The following SCHIP1 variants were observed in gnomAD, a reference collection of about 807,000 sequenced individuals.
The protein encoded by SCHIP1 is schwannomin-interacting protein 1.
Under a neutral mutation model 29.7 loss-of-function variants are expected in SCHIP1, and 8 were observed. The observed-to-expected ratio is 0.27, with a 90% confidence interval of 0.16 to 0.49. The LOEUF (loss-of-function observed/expected upper bound fraction) is 0.49, where lower values mean the gene tolerates loss of function less well. Among genes scored for constraint, SCHIP1 ranks in the 20% least tolerant of loss-of-function variants. The probability of loss-of-function intolerance (pLI) is 0.99; values close to 1 mark genes in which losing one functional copy is unlikely to be tolerated. For missense variants in SCHIP1, 193 were observed against 294.6 expected, an observed-to-expected ratio of 0.66 and a Z score of 2.52; for synonymous variants, 76 against 94.9, an observed-to-expected ratio of 0.80 and a Z score of 1.16.
At chr3:159,371,231 A>T in the SCHIP1 span, among the ~76,000 whole-genome samples, 1 of 152,298 alleles carries the variant, frequency 6.6e-6, no homozygotes, top group Non-Finnish European at 1.5e-5. Flanking sequence ...AGCTTGCCAT[A>T]CATCATGATG....
the SCHIP1 span, among the ~76,000 whole-genome samples, chr3:159,384,818 T>A: frequency 3.9e-5 from 6 of 152,210 alleles, no homozygotes; most frequent in Admixed American, 3.9e-4. Flanking sequence ...AGATTCAACT[T>A]CTTCCTGGTT....
chr3:159,402,045 A>G, the SCHIP1 span, among the ~76,000 whole-genome samples: 1 of 152,194 alleles, frequency 6.6e-6, no homozygotes, highest in Non-Finnish European at 1.5e-5. Context: ...ACAAAGGGCT[A>G]ATATCCAGAA....
the SCHIP1 span, among the ~76,000 whole-genome samples, chr3:159,285,423 T>G: frequency 1.3e-5 from 2 of 152,156 alleles, no homozygotes; most frequent in Non-Finnish European, 2.9e-5. Flanking sequence ...TTATTTTATT[T>G]TAACTGATCA....
At chr3:159,435,467 A>G in the SCHIP1 span, among the ~76,000 whole-genome samples, 2 of 152,134 alleles carry the variant, frequency 1.3e-5, no homozygotes, top group Non-Finnish European at 2.9e-5. Flanking sequence ...CACTGCTATC[A>G]GAGTTGTCAG....
the SCHIP1 span, among the ~76,000 whole-genome samples, chr3:159,720,237 G>T: frequency 8.0e-6 from 1 of 125,780 alleles, no homozygotes; most frequent in East Asian, 2.9e-4. Flanking sequence ...GTGGGGTGGG[G>T]GGAGGGGGGA....
chr3:159,425,855 G>C, the SCHIP1 span, among the ~76,000 whole-genome samples: 13,490 of 152,214 alleles, frequency 0.089, 802 homozygotes, highest in Non-Finnish European at 0.12. Flanking sequence ...TCGGACCACA[G>C]TGCAATCAAA....
chr3:159,430,840 C>T, the SCHIP1 span, among the ~76,000 whole-genome samples: 492 of 152,132 alleles, frequency 3.2e-3, 1 homozygote, highest in African/African-American at 0.011. Context: ...CCCACATGCC[C>T]GTCCCCCATG....
chr3:159,439,294 C>T, the SCHIP1 span, among the ~76,000 whole-genome samples: 1 of 152,110 alleles, frequency 6.6e-6, no homozygotes. Context: ...CACAGTTCAG[C>T]ATAGTTGGGG....
chr3:159,391,215 G>A, the SCHIP1 span, among the ~76,000 whole-genome samples: 1 of 152,146 alleles, frequency 6.6e-6, no homozygotes, highest in Non-Finnish European at 1.5e-5. Flanking sequence ...TAAAGATCCA[G>A]TTCTCCTAGA....
chr3:159,773,796 G>A, the SCHIP1 span, among the ~76,000 whole-genome samples: 12 of 152,264 alleles, frequency 7.9e-5, no homozygotes, highest in Non-Finnish European at 1.5e-4. Context: ...GAAAGCTAGC[G>A]GAGAGAAGAT....
intron 2 of SCHIP1, among the ~76,000 whole-genome samples, chr3:159,876,514 C>G (rs115633289): frequency 6.6e-6 from 1 of 152,260 alleles, no homozygotes; most frequent in African/African-American, 2.4e-5. Flanking sequence ...AGAGTCAGTG[C>G]TGCATTAGTA....
the SCHIP1 span, among the ~76,000 whole-genome samples, chr3:159,630,555 C>A: frequency 6.6e-6 from 1 of 152,016 alleles, no homozygotes; most frequent in African/African-American, 2.4e-5. Flanking sequence ...AATTGGAGAC[C>A]CTTATTCTAA....
At chr3:159,854,518 T>C (rs1047775803) in intron 1 of SCHIP1, among the ~76,000 whole-genome samples, 1 of 152,128 alleles carries the variant, frequency 6.6e-6, no homozygotes, top group Non-Finnish European at 1.5e-5. Context: ...ATGTTGCCGT[T>C]TGTGTTTTTC....
At chr3:159,832,285 T>C in the SCHIP1 span, among the ~76,000 whole-genome samples, 1 of 152,150 alleles carries the variant, frequency 6.6e-6, no homozygotes, top group South Asian at 2.1e-4. Flanking sequence ...ACTCACCATA[T>C]CTTCAGTCCC....
chr3:159,538,712 G>T, the SCHIP1 span, among the ~76,000 whole-genome samples: 2 of 152,110 alleles, frequency 1.3e-5, no homozygotes, highest in Admixed American at 6.6e-5. Flanking sequence ...GTCTTTAAAG[G>T]TTGGGTTTGG....
chr3:159,570,750 C>T, the SCHIP1 span, among the ~76,000 whole-genome samples: 1 of 152,150 alleles, frequency 6.6e-6, no homozygotes, highest in Admixed American at 6.5e-5. Flanking sequence ...TGACCATTTT[C>T]CCAACATTGA....
At chr3:159,418,284 A>C in the SCHIP1 span, among the ~76,000 whole-genome samples, 1 of 152,182 alleles carries the variant, frequency 6.6e-6, no homozygotes, top group Non-Finnish European at 1.5e-5. Flanking sequence ...TGCTAGCCAA[A>C]CAACACTGCC....
chr3:159,283,712 A>G, the SCHIP1 span, among the ~76,000 whole-genome samples: 1 of 152,324 alleles, frequency 6.6e-6, no homozygotes, highest in Non-Finnish European at 1.5e-5. Flanking sequence ...ATCTCTTAAT[A>G]GTACTTCAGA....
the SCHIP1 span, among the ~76,000 whole-genome samples, chr3:159,494,637 A>T: frequency 6.6e-6 from 1 of 152,324 alleles, no homozygotes; most frequent in East Asian, 1.9e-4. Context: ...AAAAAAGTCC[A>T]GGACCAGATG....
Sources: allele counts gnomAD v4.1 joint callset (sites outside exome capture counted in the v4.1 genomes callset), GRCh38; gene constraint gnomAD v4.1.1; transcripts MANE v1.5; gene names NCBI Gene and HGNC (gene_info 2026-07-23, HGNC 2026-07-21).